Variants in TMCO4 observed in about 807,000 individuals in gnomAD.
TMCO4 encodes the protein transmembrane and coiled-coil domain-containing protein 4.
In TMCO4, 58 loss-of-function variants were observed where a neutral mutation model predicts 64.7. That is an observed-to-expected ratio of 0.90 (90% CI 0.73 to 1.12). The LOEUF (loss-of-function observed/expected upper bound fraction) is 1.12, where lower values mean the gene tolerates loss of function less well. Ranked by LOEUF, TMCO4 falls within the 50% of genes most tolerant of loss-of-function variation. The pLI is 0.00. For missense variants in TMCO4, 780 were observed against 825.9 expected (o/e 0.94, Z 0.68); for synonymous variants, 325 against 346.1 (o/e 0.94, Z 0.68).
intron 13 of TMCO4, among the ~76,000 whole-genome samples, chr1:19,702,408 A>G (rs1165097607): frequency 1.3e-5 from 2 of 152,020 alleles, no homozygotes; most frequent in Non-Finnish European, 2.9e-5. Flanking sequence ...CCTTGCCAGC[A>G]TGGCAAAATC....
intron 15 of TMCO4, among the ~76,000 whole-genome samples, chr1:19,693,841 GAAAC>G (rs2095216387): frequency 6.6e-6 from 1 of 152,158 alleles, no homozygotes; most frequent in Non-Finnish European, 1.5e-5. Flanking sequence ...GCTTCTCGCA[GAAAC>G]ATACAGTCCT....
chr1:19,736,701 C>G (rs2095456356), intron 13 of TMCO4, among the ~76,000 whole-genome samples: 1 of 152,214 alleles, frequency 6.6e-6, no homozygotes, highest in Non-Finnish European at 1.5e-5. Flanking sequence ...AGCCCTCAAG[C>G]TTTTCACTGC....
rs566098126 is a variant in TMCO4, at chr1:19,783,604, A to G, written c.-8-2838T>C. 2.6e-5 allele frequency among the ~76,000 whole-genome samples: 4 copies of G among 152,346 alleles called. No homozygotes were observed. The South Asian group carries it at 8.3e-4, about 32-fold the overall frequency. ...TACAAAGCATTTTCCAGTCTGCTTAATTCTTATAACTACCATGTAAAGTTA... is the reference window on the plus strand; with the variant it reads ...TACAAAGCATTTTCCAGTCTGCTTAGTTCTTATAACTACCATGTAAAGTTA... On this transcript the variant is annotated intron_variant, in intron 3 of 15. Coordinates refer to ENST00000294543, the MANE Select transcript of TMCO4 (RefSeq NM_181719.7).
chr1:19,727,031 T>C (rs574814718), intron 13 of TMCO4, among the ~76,000 whole-genome samples: 2 of 152,304 alleles, frequency 1.3e-5, no homozygotes, highest in East Asian at 3.9e-4. Flanking sequence ...TACAGATCTC[T>C]AGGATGACGC....
At chr1:19,711,130 C>A (rs2095329002) in intron 13 of TMCO4, among the ~76,000 whole-genome samples, 1 of 152,218 alleles carries the variant, frequency 6.6e-6, no homozygotes, top group African/African-American at 2.4e-5. Context: ...CAGTAGAGAA[C>A]AAGAAGTTTC....
At chr1:19,788,831 T>A (rs1458484047) in intron 2 of TMCO4, among the ~76,000 whole-genome samples, 2 of 152,148 alleles carry the variant, frequency 1.3e-5, no homozygotes, top group South Asian at 4.1e-4. Flanking sequence ...ATTCCAGCAT[T>A]TTGGGAGGCC....
intron 3 of TMCO4, among the ~76,000 whole-genome samples, chr1:19,783,245 G>T (rs981321243): frequency 6.6e-6 from 1 of 152,174 alleles, no homozygotes; most frequent in African/African-American, 2.4e-5. Context: ...TGCAAATTAG[G>T]AAACAGGCTC....
intron 2 of TMCO4, among the ~76,000 whole-genome samples, chr1:19,797,436 C>T (rs1004859328): frequency 1.3e-5 from 2 of 151,908 alleles, no homozygotes; most frequent in Non-Finnish European, 2.9e-5. Context: ...TGCAAAGGTC[C>T]CAAGGAGGGA....
intron 6 of TMCO4, among the ~76,000 whole-genome samples, chr1:19,764,637 C>G (rs1240398481): frequency 6.6e-6 from 1 of 152,020 alleles, no homozygotes; most frequent in Non-Finnish European, 1.5e-5. Flanking sequence ...CCGAGGCAGG[C>G]AGGTCAGGAG....
At chr1:19,796,503 G>C (rs900212764) in intron 2 of TMCO4, among the ~76,000 whole-genome samples, 2 of 151,980 alleles carry the variant, frequency 1.3e-5, no homozygotes, top group African/African-American at 2.4e-5. Flanking sequence ...TAATATTTTC[G>C]TTATTCATAC....
At chr1:19,748,629 A>G (rs1254117533) in intron 7 of TMCO4, among the ~76,000 whole-genome samples, 1 of 152,186 alleles carries the variant, frequency 6.6e-6, no homozygotes, top group East Asian at 1.9e-4. Context: ...GTTTGAGACC[A>G]GCCTGGCCAA....
At chr1:19,754,539 C>T (rs1043008691) in intron 7 of TMCO4, among the ~76,000 whole-genome samples, 3 of 152,076 alleles carry the variant, frequency 2.0e-5, no homozygotes, top group Non-Finnish European at 2.9e-5. Context: ...GTGGGCTGAC[C>T]TCGGGTAACC....
At position 19,682,923 on chromosome 1, in the gene TMCO4, T is replaced by G; in HGVS notation, c.*117A>C. The G allele has an allele frequency of 7.6e-7, 1 of 1,312,134 alleles. No homozygotes were observed. The highest frequency in any genetic ancestry group is 1.1e-6 in the Non-Finnish European group (1 of 947,872). 81.3% of individuals were successfully genotyped at this position (1,312,134 alleles called of 1,614,324 possible). ...TCCCTTTCAGTTCCAATTCCTTCCA[T>G]TTAGGAAAGAGGCCTGTGGAAATCC... is the stretch of plus-strand genomic sequence containing the variant. On this transcript the variant is annotated 3_prime_UTR_variant, in exon 16 of 16. Transcript: ENST00000294543.
At chr1:19,701,041 C>T (rs1376067034) in intron 13 of TMCO4, 156 bp from the exon 14 acceptor site, 2 of 614,598 alleles carry the variant, frequency 3.3e-6, no homozygotes, top group South Asian at 2.0e-5. Context: ...TACACACATG[C>T]AAACACGCAA....
At chr1:19,688,246 C>T (rs7533981) in intron 15 of TMCO4, among the ~76,000 whole-genome samples, 79,311 of 151,910 alleles carry the variant, frequency 0.52, 22,418 homozygotes, top group Non-Finnish European at 0.64. Flanking sequence ...ATAAACTGAG[C>T]GCAGGGGAGC....
chr1:19,742,818 G>A (rs1321738358), intron 10 of TMCO4, among the ~76,000 whole-genome samples: 9 of 152,156 alleles, frequency 5.9e-5, no homozygotes, highest in African/African-American at 2.2e-4. Flanking sequence ...TTGGGAGGCC[G>A]AGGCGGGTGG....
intron 13 of TMCO4, among the ~76,000 whole-genome samples, chr1:19,721,721 A>G (rs2095384505): frequency 6.6e-6 from 1 of 152,102 alleles, no homozygotes; most frequent in African/African-American, 2.4e-5. Flanking sequence ...CCCAGGGGAA[A>G]GAGGCTGCAG....
rs1369640606 is a variant in TMCO4, at chr1:19,776,830, T to C, written c.179+3750A>G. On this transcript the variant is annotated intron_variant, in intron 4 of 15. Coordinates refer to ENST00000294543, the MANE Select transcript of TMCO4 (RefSeq NM_181719.7). ...TCACTTGAAGTCAGGAGTTCAAGACTAGCCTGGCCAACACGGTGAAACCCC... is the reference window on the plus strand; with the variant it reads ...TCACTTGAAGTCAGGAGTTCAAGACCAGCCTGGCCAACACGGTGAAACCCC... 2.0e-5 allele frequency among the ~76,000 whole-genome samples: 3 copies of C among 152,030 alleles called. No individual in the cohort carries two copies. The East Asian group carries it at 5.8e-4, about 29-fold the overall frequency.
At position 19,747,172 on chromosome 1, in the gene TMCO4, T is replaced by G. The variant is rs748882230; in HGVS notation, c.604A>C (p.Thr202Pro). 1.2e-6 allele frequency: 2 copies of G among 1,613,824 alleles called. No homozygotes were observed. Among genetic ancestry groups the G allele is most frequent in the Admixed American group, 3.3e-5 (2 of 60,004 alleles). ...LIGLATVGGG[T>P]VIGVTGGLAA... ...CTCTAGCTGGACTCACCGATCACCG[T>G]TCCGCCTCCGACAGTCGCCAGGCCT... The change falls in exon 8 of 16, where the codon ACG becomes CCG. Residue 202 changes from threonine (T) to proline (P), a missense_variant. Physicochemically the swap from Thr to Pro is conservative, Grantham distance 38. Coordinates refer to ENST00000294543, the MANE Select transcript of TMCO4 (RefSeq NM_181719.7).
Sources: allele counts gnomAD v4.1 joint callset (sites outside exome capture counted in the v4.1 genomes callset), GRCh38; gene constraint gnomAD v4.1.1; transcripts MANE v1.5; gene names NCBI Gene and HGNC (gene_info 2026-07-23, HGNC 2026-07-21).